Variants in EPHA5 observed in about 807,000 individuals in gnomAD.
The protein encoded by EPHA5 is EPH receptor A5.
In EPHA5, 60 loss-of-function variants were observed where a neutral mutation model predicts 105.0. The ratio of observed to expected loss-of-function variants is 0.57; its 90% CI spans 0.46 to 0.71. The LOEUF (loss-of-function observed/expected upper bound fraction) is 0.71, where lower values mean the gene tolerates loss of function less well. Ranked by LOEUF, EPHA5 falls within the 30% of genes least tolerant of loss-of-function variation. The pLI, the probability that EPHA5 is intolerant of heterozygous loss-of-function variation, is 0.00. For synonymous variants in EPHA5, 513 were observed against 449.1 expected (o/e 1.14, Z -1.80); for missense variants, 1,218 against 1,274.7 (o/e 0.96, Z 0.68).
intron 3 of EPHA5, among the ~76,000 whole-genome samples, chr4:65,543,821 C>G (rs1362564537): frequency 1.3e-5 from 2 of 152,012 alleles, no homozygotes; most frequent in Non-Finnish European, 2.9e-5. Flanking sequence ...TGACTTTAAA[C>G]TACACTACAA....
chr4:65,327,294 C>A (rs1720174377), intron 16 of EPHA5, among the ~76,000 whole-genome samples: 1 of 151,170 alleles, frequency 6.6e-6, no homozygotes, highest in Admixed American at 6.6e-5. Context: ...TAACAGTGAA[C>A]TAGGGATAAA....
In EPHA5 at chr4:65,420,616, T is replaced by C. The variant is rs936948612; in HGVS notation, c.1403-51A>G. ...AGTATGATTAATAAGGCCCTAAAAG[T>C]AAACCTGTTATGTTTATTACGTATA... On this transcript the variant is annotated intron_variant, in intron 5 of 16. Transcript: ENST00000613740. The C allele has an allele frequency of 3.2e-6, 5 of 1,564,708 alleles. No homozygotes were observed. The African/African-American group carries it at 6.9e-5, about 21-fold the overall frequency.
At chr4:65,359,444 T>G (rs558317529) in intron 11 of EPHA5, among the ~76,000 whole-genome samples, 1 of 151,780 alleles carries the variant, frequency 6.6e-6, no homozygotes, top group Admixed American at 6.6e-5. Context: ...ATGCACAACA[T>G]CTGTAATTGT....
intron 5 of EPHA5, among the ~76,000 whole-genome samples, chr4:65,477,081 G>T (rs1276786579): frequency 6.6e-6 from 1 of 152,124 alleles, no homozygotes; most frequent in African/African-American, 2.4e-5. Context: ...GAACTGTTGT[G>T]CTCCTAAGAA....
intron 3 of EPHA5, among the ~76,000 whole-genome samples, chr4:65,537,107 T>C (rs1232293058): frequency 6.6e-6 from 1 of 151,800 alleles, no homozygotes; most frequent in Non-Finnish European, 1.5e-5. Context: ...AGTGAGTATC[T>C]GTATTTTCCC....
chr4:65,613,273 A>T (rs1578580824), intron 2 of EPHA5, among the ~76,000 whole-genome samples: 1 of 152,126 alleles, frequency 6.6e-6, no homozygotes, highest in East Asian at 1.9e-4. Flanking sequence ...TTTGGTTATT[A>T]CATACTTGTA....
At chr4:65,577,610 A>C (rs1741191885) in intron 3 of EPHA5, among the ~76,000 whole-genome samples, 1 of 152,180 alleles carries the variant, frequency 6.6e-6, no homozygotes, top group Admixed American at 6.5e-5. Context: ...GTCTATAATA[A>C]AATTTTAAGC....
At chr4:65,385,144 C>A (rs1038234574) in intron 8 of EPHA5, among the ~76,000 whole-genome samples, 1 of 151,616 alleles carries the variant, frequency 6.6e-6, no homozygotes, top group Non-Finnish European at 1.5e-5. Flanking sequence ...CGTTTATAAA[C>A]ACAGCTTTGA....
intron 1 of EPHA5, among the ~76,000 whole-genome samples, chr4:65,660,259 T>A (rs1749443601): frequency 6.6e-6 from 1 of 152,186 alleles, no homozygotes; most frequent in Admixed American, 6.6e-5. Context: ...CTTGTACTGA[T>A]GGTTTCCATT....
chr4:65,352,764 C>T (rs2148859385), intron 12 of EPHA5, among the ~76,000 whole-genome samples: 1 of 146,004 alleles, frequency 6.8e-6, no homozygotes, highest in African/African-American at 2.5e-5. Flanking sequence ...CTTTTCCTCT[C>T]TTATTCCCTT....
chr4:65,478,317 T>G (rs1218468192), intron 5 of EPHA5, among the ~76,000 whole-genome samples: 2 of 152,170 alleles, frequency 1.3e-5, no homozygotes, highest in African/African-American at 4.8e-5. Context: ...CCTTAGAAAC[T>G]TCAATGATTT....
At chr4:65,533,666 G>A (rs1419050971) in intron 3 of EPHA5, among the ~76,000 whole-genome samples, 1 of 152,166 alleles carries the variant, frequency 6.6e-6, no homozygotes, top group African/African-American at 2.4e-5. Context: ...CGGGCACAGT[G>A]GCTCACGCCT....
At chr4:65,572,081 T>A (rs75584244) in intron 3 of EPHA5, among the ~76,000 whole-genome samples, 4,512 of 152,140 alleles carry the variant, frequency 0.03, 212 homozygotes, top group African/African-American at 0.1. Context: ...AAGATATTCT[T>A]TTTTCTCTAT....
chr4:65,506,800 A>C (rs993502636), intron 3 of EPHA5, among the ~76,000 whole-genome samples: 1 of 151,882 alleles, frequency 6.6e-6, no homozygotes, highest in Non-Finnish European at 1.5e-5. Flanking sequence ...AGATGCAAAA[A>C]TTTTCTCCCA....
chr4:65,493,294 T>C (rs1731598877), intron 4 of EPHA5, among the ~76,000 whole-genome samples: 1 of 152,184 alleles, frequency 6.6e-6, no homozygotes, highest in Non-Finnish European at 1.5e-5. Context: ...AACCTTTAAT[T>C]TAAGCAGATT....
intron 16 of EPHA5, among the ~76,000 whole-genome samples, chr4:65,326,411 A>T (rs1006350561): frequency 4.6e-5 from 7 of 151,400 alleles, no homozygotes; most frequent in African/African-American, 1.5e-4. Flanking sequence ...GAATCCTGTA[A>T]ATGTAATTTA....
chr4:65,334,565 G>GA (rs11449324), intron 15 of EPHA5, among the ~76,000 whole-genome samples: 1,742 of 152,050 alleles, frequency 0.011, 32 homozygotes, highest in African/African-American at 0.04. Context: ...TAGGGATGGA[G>GA]AAAGGGCGAG....
At chr4:65,387,630 C>T (rs1478609862) in intron 8 of EPHA5, among the ~76,000 whole-genome samples, 1 of 151,812 alleles carries the variant, frequency 6.6e-6, no homozygotes, top group African/African-American at 2.4e-5. Flanking sequence ...GAGGTAAATC[C>T]AAAAGACTAC....
chr4:65,434,971 C>T, intron 5 of EPHA5, among the ~76,000 whole-genome samples: 1 of 152,094 alleles, frequency 6.6e-6, no homozygotes, highest in African/African-American at 2.4e-5. Flanking sequence ...ATCAAGTATA[C>T]ATAGGAGACA....
Sources: gnomAD v4.1 joint callset for allele counts (sites outside exome capture counted in the v4.1 genomes callset) on GRCh38, gnomAD v4.1.1 for gene constraint, MANE v1.5 for transcripts, NCBI Gene and HGNC (gene_info 2026-07-23, HGNC 2026-07-21) for gene names.